Variants in VNN1 observed in about 807,000 individuals in gnomAD.
VNN1 encodes the protein vanin 1.
In VNN1, 29 loss-of-function variants were observed where a neutral mutation model predicts 41.9. The observed-to-expected ratio is 0.69, with a 90% CI of 0.52 to 0.94. The LOEUF is 0.94. VNN1 is among the 40% of genes least tolerant of loss of function. The pLI is 0.00. For missense variants in VNN1, 637 were observed against 621.1 expected (o/e 1.03, Z -0.27); for synonymous variants, 233 against 224.4 (o/e 1.04, Z -0.34).
intron 6 of VNN1, among the ~76,000 whole-genome samples, chr6:132,683,852 T>A (rs9389025): frequency 0.19 from 28,148 of 152,126 alleles, 3,297 homozygotes; most frequent in East Asian, 0.36. Flanking sequence ...AGCAAGGGAT[T>A]ATTTCTGAAC....
chr6:132,707,303 T>G (rs1778533513), intron 2 of VNN1, among the ~76,000 whole-genome samples: 1 of 151,530 alleles, frequency 6.6e-6, no homozygotes, highest in Non-Finnish European at 1.5e-5. Flanking sequence ...CAAATGCTGG[T>G]GAGGATGTGG....
intron 5 of VNN1, among the ~76,000 whole-genome samples, chr6:132,686,177 T>C (rs984151048): frequency 1.3e-5 from 2 of 152,228 alleles, no homozygotes; most frequent in Non-Finnish European, 2.9e-5. Flanking sequence ...CTGGGAGCAG[T>C]GGCTCCCACC....
chr6:132,692,470 A>C lies in VNN1; in HGVS notation c.941T>G (p.Val314Gly). The C allele has an allele frequency of 6.2e-7, 1 of 1,614,020 alleles. No homozygotes were observed. Among genetic ancestry groups the C allele is most frequent in the Non-Finnish European group, 8.5e-7 (1 of 1,180,014 alleles). The change falls in exon 5 of 7, where the codon GTG (valine) becomes GGG (glycine). Residue 314 changes from valine (V) to glycine (G), a missense_variant. Val to Gly is a moderately radical substitution (Grantham distance 109). Transcript: ENST00000367928. The stretch of plus-strand genomic sequence containing the variant: ...ACTGCTGGCATAGGAAGTCCAGTTC[A>C]CCACTGCAGAATGGGATGGGTGGGA... ...LDSHPSHSAV[V>G]NWTSYASSIE...
intron 2 of VNN1, 94 bp downstream of exon 2, chr6:132,711,615 T>C: frequency 7.2e-7 from 1 of 1,393,942 alleles, no homozygotes; most frequent in Non-Finnish European, 9.7e-7. Context: ...ACTTAAGAAT[T>C]GATCATGGAT....
chr6:132,696,675 G>GAAAGAAAAAAAAAGAAAGA (rs1778376850), intron 2 of VNN1, among the ~76,000 whole-genome samples: 1 of 149,298 alleles, frequency 6.7e-6, no homozygotes, highest in African/African-American at 2.5e-5. Flanking sequence ...AGTACTGAAA[G>GAAAGAAAAAAAAAGAAAGA]AAAAAAAAAT....
chr6:132,702,369 C>A (rs1360214182), intron 2 of VNN1, among the ~76,000 whole-genome samples: 7 of 152,200 alleles, frequency 4.6e-5, no homozygotes, highest in Admixed American at 1.3e-4. Flanking sequence ...ATACTCCACC[C>A]TGTCCATTAA....
chr6:132,713,986 G>A lies in VNN1; in HGVS notation c.50C>T (p.Ser17Leu). The change falls in exon 1 of 7, where the codon TCA (serine) becomes TTA (leucine). Residue 17 changes from serine to leucine, a missense_variant. Coordinates refer to ENST00000367928, the MANE Select transcript of VNN1 (RefSeq NM_004666.3). ...AYVAILLFYV[S>L]RASCQDTFTA... is the part of the protein sequence containing the mutation. ...GAAAGTGTCCTGGCAGCTGGCTCTTGAGACATAGAAAAGCAAAATTGCCAC... is the reference window on the plus strand; with the variant it reads ...GAAAGTGTCCTGGCAGCTGGCTCTTAAGACATAGAAAAGCAAAATTGCCAC... The A allele has an allele frequency of 1.9e-6, 3 of 1,614,102 alleles. No homozygotes were observed. In the South Asian group the frequency reaches 3.3e-5, roughly 18 times the overall value.
intron 1 of VNN1, among the ~76,000 whole-genome samples, chr6:132,712,819 T>C (rs1778624075): frequency 6.6e-6 from 1 of 152,136 alleles, no homozygotes; most frequent in Non-Finnish European, 1.5e-5. Context: ...GAACTCCTGA[T>C]AACCTTTTAA....
intron 2 of VNN1, among the ~76,000 whole-genome samples, chr6:132,704,546 G>A (rs181250360): frequency 5.3e-5 from 8 of 151,930 alleles, no homozygotes; most frequent in South Asian, 2.1e-4. Flanking sequence ...CAAAACTTAT[G>A]GGATACAGCA....
rs1435031415 is a variant in VNN1, at chr6:132,684,435, G to C, written c.1259C>G (p.Thr420Ser). ...ACTGAGGGAGAACATTTCAAACCTG[G>C]TAGAAGCTGTTTCAGCTGAGTCACC... ...TCGDSAETAS[T>S]RFEMFSLSGT... The change falls in exon 6 of 7, where the codon ACC becomes AGC. Residue 420 changes from threonine (T) to serine (S), a missense_variant. By Grantham distance (58) the Thr-to-Ser change is moderately conservative (BLOSUM62 1). Coordinates refer to ENST00000367928, the MANE Select transcript of VNN1 (RefSeq NM_004666.3). 2 of 1,613,882 alleles carry C rather than the reference G, an allele frequency of 1.2e-6. No homozygotes were observed. The highest frequency in any genetic ancestry group is 2.2e-5 in the South Asian group (2 of 91,076).
intron 2 of VNN1, among the ~76,000 whole-genome samples, chr6:132,703,609 C>T (rs531190860): frequency 6.6e-6 from 1 of 151,988 alleles, no homozygotes; most frequent in Non-Finnish European, 1.5e-5. Flanking sequence ...GAGAAAAACA[C>T]CTTCACAAAA....
At position 132,692,270 on chromosome 6, in the gene VNN1, C is replaced by T; in HGVS notation, c.1141G>A (p.Gly381Arg). ...ENIPNEVYAL[G>R]AFDGLHTVEG... ...ACAGTGTGCAGTCCGTCAAATGCCCCTAGAGCGTACACTTCATTTGGTATG... is the reference window on the plus strand; with the variant it reads ...ACAGTGTGCAGTCCGTCAAATGCCCTTAGAGCGTACACTTCATTTGGTATG... Residue 381 changes from glycine to arginine, a missense_variant, in exon 5 of 7, where the codon GGG becomes AGG. By Grantham distance (125) the Gly-to-Arg change is moderately radical. Transcript: ENST00000367928. 2 of 1,613,012 alleles carry T rather than the reference C, an allele frequency of 1.2e-6. No individual in the cohort carries two copies. The highest frequency in any genetic ancestry group is 8.5e-7 in the Non-Finnish European group (1 of 1,179,402).
intron 4 of VNN1, 62 bp downstream of exon 4, chr6:132,692,962 G>GTT: frequency 1.1e-5 from 15 of 1,363,124 alleles, no homozygotes; most frequent in Admixed American, 5.1e-5. Context: ...AGAAAAACAT[G>GTT]TTTTTTTTTT....
At chr6:132,707,032 G>T (rs1778528465) in intron 2 of VNN1, among the ~76,000 whole-genome samples, 1 of 151,758 alleles carries the variant, frequency 6.6e-6, no homozygotes, top group South Asian at 2.1e-4. Context: ...TTTGAGATCA[G>T]CCTGGACAAC....
chr6:132,710,569 G>T (rs1778584873), intron 2 of VNN1, among the ~76,000 whole-genome samples: 1 of 152,026 alleles, frequency 6.6e-6, no homozygotes, highest in Non-Finnish European at 1.5e-5. Flanking sequence ...TCCCCTCCTT[G>T]TGTCCATGTA....
chr6:132,689,375 T>G (rs1778251445), intron 5 of VNN1, among the ~76,000 whole-genome samples: 1 of 152,070 alleles, frequency 6.6e-6, no homozygotes, highest in Non-Finnish European at 1.5e-5. Context: ...TAAGATTTCT[T>G]GGGGAAAAAA....
chr6:132,705,015 A>G (rs138307858), intron 2 of VNN1, among the ~76,000 whole-genome samples: 18 of 152,134 alleles, frequency 1.2e-4, no homozygotes, highest in Non-Finnish European at 2.1e-4. Context: ...CAGATAACAA[A>G]TAATAAGATT....
At chr6:132,708,893 C>A (rs1203525932) in intron 2 of VNN1, among the ~76,000 whole-genome samples, 1 of 152,168 alleles carries the variant, frequency 6.6e-6, no homozygotes. Flanking sequence ...ACTGTAACCA[C>A]ACTAACCCTT....
chr6:132,700,019 G>A (rs891896673), intron 2 of VNN1, among the ~76,000 whole-genome samples: 8 of 152,104 alleles, frequency 5.3e-5, no homozygotes, highest in Non-Finnish European at 1.0e-4. Flanking sequence ...CCATGCTCAG[G>A]CTCATTTTAA....
Sources: allele counts gnomAD v4.1 joint callset (sites outside exome capture counted in the v4.1 genomes callset), GRCh38; gene constraint gnomAD v4.1.1; transcripts MANE v1.5; gene names NCBI Gene and HGNC (gene_info 2026-07-23, HGNC 2026-07-21).